Variants in PTPRS observed in about 807,000 individuals in gnomAD.
The protein encoded by PTPRS is protein tyrosine phosphatase receptor type S, also known as receptor-type tyrosine-protein phosphatase S.
PTPRS carries 63 observed loss-of-function variants against 215.3 expected under a neutral mutation model. The ratio of observed to expected loss-of-function variants is 0.29; its 90% CI spans 0.24 to 0.36. The LOEUF (loss-of-function observed/expected upper bound fraction) is 0.36, where lower values mean the gene tolerates loss of function less well. PTPRS is among the 10% of genes least tolerant of loss of function. PTPRS has a pLI of 1.00. For missense variants in PTPRS, 2,258 were observed against 2,825.8 expected (o/e 0.80, Z 4.56); for synonymous variants, 1,404 against 1,191.4 (o/e 1.18, Z -3.68).
In PTPRS at chr19:5,287,852, G is replaced by A. The variant is rs1466721620; in HGVS notation, c.-94-1618C>T. On this transcript the variant is annotated intron_variant, in intron 1 of 37. Coordinates refer to ENST00000262963, the MANE Select transcript of PTPRS (RefSeq NM_002850.4). The surrounding 1 kb of genome is among the most constrained non-coding windows in gnomAD (Gnocchi z 4.8). ...AATCACGCCACAGACATACACAGAT[G>A]CACACAGTCAAACCACCGATACACA... Among the ~76,000 whole-genome samples the A allele has an allele frequency of 1.3e-5, 2 of 151,620 alleles. No individual in the cohort carries two copies. The highest frequency in any genetic ancestry group is 2.4e-5 in the African/African-American group (1 of 41,236).
Position 5,222,957 on chromosome 19 carries a change from G to A in PTPRS, c.2835C>T (p.Thr945=), listed in dbSNP as rs373655177. The change falls in exon 18 of 38, where the codon ACC becomes ACT. Residue 945 remains threonine, a synonymous_variant. Transcript: ENST00000262963. The part of the protein sequence containing the change: ...LEAAGNASAG[T]VLLRWLPPVP... ...CGGGTGGCAGCCAGCGGAGAAGGAC[G>A]GTCCCGGCCGAGGCGTTGCCGGCCG... 121 of 1,546,232 alleles carry A rather than the reference G, an allele frequency of 7.8e-5. No homozygotes were observed. The highest frequency in any genetic ancestry group is 6.8e-4 in the East Asian group (28 of 41,170).
At chr19:5,323,353 G>A (rs1186366493) in intron 1 of PTPRS, among the ~76,000 whole-genome samples, 2 of 152,148 alleles carry the variant, frequency 1.3e-5, no homozygotes, top group East Asian at 3.8e-4. Flanking sequence ...GTGAAACTCC[G>A]TCTCAAAAAA....
chr19:5,329,177 A>C (rs865860319), intron 1 of PTPRS, among the ~76,000 whole-genome samples: 126 of 152,230 alleles, frequency 8.3e-4, no homozygotes, highest in African/African-American at 2.8e-3. Context: ...AAAGGCCTGG[A>C]GGTGGAAACA....
intron 16 of PTPRS, among the ~76,000 whole-genome samples, chr19:5,226,180 C>T (rs2042481619): frequency 6.6e-6 from 1 of 152,216 alleles, no homozygotes; most frequent in Non-Finnish European, 1.5e-5. Context: ...TCCGTCCCCG[C>T]TCTCCCCACA....
At chr19:5,300,767 CAAAAA>C (rs59799136) in intron 1 of PTPRS, among the ~76,000 whole-genome samples, 2 of 97,768 alleles carry the variant, frequency 2.0e-5, no homozygotes, top group Non-Finnish European at 4.0e-5. Context: ...GACTCCGTCT[CAAAAA>C]AAAAAAAAAA....
chr19:5,215,659 AG>A (rs34363814), intron 26 of PTPRS, 64 bp from the exon 27 acceptor site: 38 of 257,988 alleles, frequency 1.5e-4, no homozygotes, highest in Non-Finnish European at 2.1e-4. Context: ...GACTCGGGGG[AG>A]GGGGGTGATC....
intron 1 of PTPRS, among the ~76,000 whole-genome samples, chr19:5,335,403 CAA>C (rs1183949224): frequency 3.9e-5 from 6 of 152,140 alleles, no homozygotes; most frequent in African/African-American, 1.4e-4. Context: ...GAGGGTGGCT[CAA>C]GTCAGGGCTC....
At chr19:5,266,520 C>T (rs184033366) in intron 4 of PTPRS, among the ~76,000 whole-genome samples, 1 of 152,094 alleles carries the variant, frequency 6.6e-6, no homozygotes, top group South Asian at 2.1e-4. Context: ...GGCATGCACT[C>T]CACGCCCGGC....
intron 1 of PTPRS, among the ~76,000 whole-genome samples, chr19:5,303,957 T>A (rs10415540): frequency 3.3e-4 from 22 of 65,682 alleles, no homozygotes; most frequent in African/African-American, 8.0e-4. Context: ...TCTCAAAAAA[T>A]AATAATAACA....
At chr19:5,264,631 C>T (rs116856960) in intron 5 of PTPRS, among the ~76,000 whole-genome samples, 5,076 of 152,276 alleles carry the variant, frequency 0.033, 116 homozygotes, top group Middle Eastern at 0.058. Flanking sequence ...CTTCCTATCA[C>T]CCACAACTGT....
intron 1 of PTPRS, among the ~76,000 whole-genome samples, chr19:5,335,098 C>A (rs940846442): frequency 3.3e-5 from 5 of 152,188 alleles, no homozygotes; most frequent in African/African-American, 1.2e-4. Flanking sequence ...CACGTGACAG[C>A]GCGACGATGG....
Position 5,220,926 on chromosome 19 carries a change from G to A in PTPRS, c.3455+74C>T, listed in dbSNP as rs139573399. The A allele has an allele frequency of 2.8e-4, 424 of 1,501,508 alleles. 2 individuals carry two copies. The African/African-American group carries it at 5.5e-3, about 19-fold the overall frequency. The allele number at this position is 1,501,508 out of a possible 1,614,324, so 93.0% of individuals were successfully genotyped here. On this transcript the variant is annotated intron_variant, in intron 20 of 37. Transcript: ENST00000262963. ...GCAAGGAAATTGAGGCACAGAGAGG[G>A]CACGTGGCTTGCCCCAGCCATATAG...
At chr19:5,316,538 T>G (rs2049881992) in intron 1 of PTPRS, among the ~76,000 whole-genome samples, 1 of 152,146 alleles carries the variant, frequency 6.6e-6, no homozygotes, top group Non-Finnish European at 1.5e-5. Context: ...GACCACAGAC[T>G]CACGCCACCA....
intron 4 of PTPRS, among the ~76,000 whole-genome samples, chr19:5,268,793 A>T (rs1467954452): frequency 6.6e-6 from 1 of 152,224 alleles, no homozygotes; most frequent in Non-Finnish European, 1.5e-5. Flanking sequence ...TCATACAGCC[A>T]GCATGTAGCA....
At chr19:5,252,907 A>G (rs994355561) in intron 9 of PTPRS, among the ~76,000 whole-genome samples, 16 of 151,648 alleles carry the variant, frequency 1.1e-4, no homozygotes, top group Non-Finnish European at 1.8e-4. Flanking sequence ...GTAAAAGAAA[A>G]AGAAAATTCC....
intron 1 of PTPRS, among the ~76,000 whole-genome samples, chr19:5,330,814 A>C (rs1478764451): frequency 6.6e-6 from 1 of 152,154 alleles, no homozygotes; most frequent in Non-Finnish European, 1.5e-5. Context: ...TGGGGCCAAG[A>C]GAAAAAGTCC....
In PTPRS at chr19:5,206,181, G is replaced by A. The variant is rs1329421350; in HGVS notation, c.*593C>T. 6.7e-6 allele frequency among the ~76,000 whole-genome samples: 1 copy of A among 149,526 alleles called. No individual in the cohort carries two copies. Among genetic ancestry groups the A allele is most frequent in the African/African-American group, 2.5e-5 (1 of 40,426 alleles). On this transcript the variant is annotated 3_prime_UTR_variant, in exon 38 of 38. Transcript: ENST00000262963. The stretch of plus-strand genomic sequence containing the variant: ...TGAAAAAATAGACTGTCTTTGAACA[G>A]AATATGAATAAGCCAAAGTTAGTTC...
chr19:5,331,748 C>A (rs774330055), intron 1 of PTPRS, among the ~76,000 whole-genome samples: 2 of 152,174 alleles, frequency 1.3e-5, no homozygotes, highest in Non-Finnish European at 2.9e-5. Context: ...CAGGTCCTGC[C>A]GCCAGTAGAT....
chr19:5,211,804 A>G (rs2040916026), intron 32 of PTPRS, 36 bp from the exon 33 acceptor site: 1 of 1,604,480 alleles, frequency 6.2e-7, no homozygotes, highest in African/African-American at 1.3e-5. Flanking sequence ...CACCATCAGG[A>G]TGAGGAAGGC....
Sources: allele counts gnomAD v4.1 joint callset (sites outside exome capture counted in the v4.1 genomes callset), GRCh38; gene constraint gnomAD v4.1.1; non-coding constraint Gnocchi (gnomAD v3.1); transcripts MANE v1.5; gene names NCBI Gene and HGNC (gene_info 2026-07-23, HGNC 2026-07-21).